CTNNBL1: variants seen among roughly 807,000 people sequenced by gnomAD.
CTNNBL1 encodes the protein catenin beta like 1, also known as beta-catenin-like protein 1.
A neutral mutation model predicts 72.7 loss-of-function variants in CTNNBL1; 31 were observed. The observed-to-expected ratio is 0.43, with a 90% confidence interval of 0.32 to 0.58. The LOEUF is 0.58. Among genes scored for constraint, CTNNBL1 ranks in the 20% least tolerant of loss-of-function variants. CTNNBL1 has a pLI of 0.08. For missense variants in CTNNBL1, 534 were observed against 725.1 expected, an observed-to-expected ratio of 0.74 and a Z score of 3.03; for synonymous variants, 240 against 267.3, an observed-to-expected ratio of 0.90 and a Z score of 1.00.
intron 1 of CTNNBL1, among the ~76,000 whole-genome samples, chr20:37,717,384 C>T (rs550721946): frequency 4.9e-4 from 75 of 152,338 alleles, no homozygotes; most frequent in African/African-American, 1.7e-3. Context: ...ATGCATACTC[C>T]ACTCTCCTCT....
At chr20:37,827,366 C>T (rs148581842) in intron 11 of CTNNBL1, among the ~76,000 whole-genome samples, 8 of 152,268 alleles carry the variant, frequency 5.3e-5, no homozygotes, top group African/African-American at 1.9e-4. Flanking sequence ...GGTAGCTATT[C>T]ACATCTCTTT....
intron 5 of CTNNBL1, among the ~76,000 whole-genome samples, chr20:37,761,085 A>T (rs1276927220): frequency 6.6e-6 from 1 of 151,974 alleles, no homozygotes; most frequent in Non-Finnish European, 1.5e-5. Context: ...ATGAAGAGAG[A>T]GTGCTCGCTT....
Position 37,826,598 on chromosome 20 carries a change from T to G in CTNNBL1, c.1214-13504T>G, listed in dbSNP as rs1209460484. ...ATCATTCATATTCCAAGTGCACACT[T>G]TTTCTTGCCTCCTTCTCAACATTTT... On this transcript the variant is annotated intron_variant, in intron 11 of 15. Coordinates refer to ENST00000361383, the MANE Select transcript of CTNNBL1 (RefSeq NM_030877.5). 3.3e-5 allele frequency among the ~76,000 whole-genome samples: 5 copies of G among 152,224 alleles called. No homozygotes were observed. The East Asian group carries it at 7.7e-4, about 23-fold the overall frequency.
intron 4 of CTNNBL1, among the ~76,000 whole-genome samples, chr20:37,747,568 A>G (rs2122626507): frequency 6.6e-6 from 1 of 151,886 alleles, no homozygotes; most frequent in South Asian, 2.1e-4. Flanking sequence ...TTTGTCTTTC[A>G]GTGTTATTTT....
chr20:37,696,492 G>A (rs1324913367), intron 1 of CTNNBL1, among the ~76,000 whole-genome samples: 2 of 134,256 alleles, frequency 1.5e-5, no homozygotes, highest in Non-Finnish European at 3.0e-5. Context: ...TGCCCAGGCT[G>A]GAGTGCAATG....
chr20:37,871,817 G>T (rs1568821649), intron 15 of CTNNBL1, 108 bp from the exon 16 acceptor site: 2 of 956,174 alleles, frequency 2.1e-6, no homozygotes. Flanking sequence ...GCATTAGGGC[G>T]ACTTGCACCT....
At chr20:37,759,327 T>C (rs1490585553) in intron 5 of CTNNBL1, among the ~76,000 whole-genome samples, 1 of 152,130 alleles carries the variant, frequency 6.6e-6, no homozygotes, top group Non-Finnish European at 1.5e-5. Flanking sequence ...GTTAATTACA[T>C]GGCCCTGAAT....
At chr20:37,811,613 G>A (rs1463289905) in intron 11 of CTNNBL1, among the ~76,000 whole-genome samples, 2 of 152,176 alleles carry the variant, frequency 1.3e-5, no homozygotes, top group Admixed American at 6.5e-5. Context: ...ATGATTTTGA[G>A]TGGTGCACAT....
At chr20:37,739,848 G>A (rs1330297441) in intron 3 of CTNNBL1, among the ~76,000 whole-genome samples, 4 of 152,200 alleles carry the variant, frequency 2.6e-5, no homozygotes, top group Admixed American at 2.6e-4. Flanking sequence ...TGTAGTCCCT[G>A]TCGTCTTTAT....
chr20:37,753,835 G>A (rs1288300240), intron 4 of CTNNBL1, among the ~76,000 whole-genome samples: 1 of 152,202 alleles, frequency 6.6e-6, no homozygotes, highest in Non-Finnish European at 1.5e-5. Flanking sequence ...AAGCTGTAGG[G>A]AAATAAAGGA....
intron 9 of CTNNBL1, among the ~76,000 whole-genome samples, chr20:37,777,984 A>C (rs372120107): frequency 6.6e-6 from 1 of 152,178 alleles, no homozygotes; most frequent in East Asian, 1.9e-4. Context: ...CTCATGCTTA[A>C]GTGTGTATGT....
At chr20:37,694,462 C>T (rs2072771839) in intron 1 of CTNNBL1, among the ~76,000 whole-genome samples, 1 of 152,134 alleles carries the variant, frequency 6.6e-6, no homozygotes. Context: ...CTCATGTCCC[C>T]CCAGTCATTG....
At chr20:37,860,211 A>T in intron 14 of CTNNBL1, 61 bp from the exon 15 acceptor site, 2 of 1,515,684 alleles carry the variant, frequency 1.3e-6, no homozygotes, top group South Asian at 2.2e-5. Context: ...AAGGTGATAC[A>T]TTCTGGTGTG....
At chr20:37,731,381 A>G (rs567105927) in intron 1 of CTNNBL1, among the ~76,000 whole-genome samples, 1 of 152,088 alleles carries the variant, frequency 6.6e-6, no homozygotes, top group Non-Finnish European at 1.5e-5. Flanking sequence ...GATTACAGGC[A>G]TGCACCACCA....
At chr20:37,718,610 C>T (rs2073014089) in intron 1 of CTNNBL1, among the ~76,000 whole-genome samples, 1 of 152,040 alleles carries the variant, frequency 6.6e-6, no homozygotes. Context: ...CACCTCCCTC[C>T]CGGACGGGGC....
intron 10 of CTNNBL1, among the ~76,000 whole-genome samples, chr20:37,793,547 A>G (rs1196230666): frequency 6.6e-6 from 1 of 152,210 alleles, no homozygotes; most frequent in Non-Finnish European, 1.5e-5. Context: ...ATTTGGAGAT[A>G]GGGCCTTTAA....
At chr20:37,752,285 G>A (rs2073326144) in intron 4 of CTNNBL1, among the ~76,000 whole-genome samples, 1 of 152,044 alleles carries the variant, frequency 6.6e-6, no homozygotes, top group African/African-American at 2.4e-5. Flanking sequence ...ATCTAGGATG[G>A]GGATAAGAGT....
chr20:37,721,297 A>G (rs114481848), intron 1 of CTNNBL1, among the ~76,000 whole-genome samples: 334 of 152,272 alleles, frequency 2.2e-3, no homozygotes, highest in African/African-American at 7.7e-3. Context: ...TGGGTTTTAT[A>G]CTTCTAAAAA....
Position 37,871,974 on chromosome 20 carries a change from C to G in CTNNBL1, c.1653C>G (p.Asn551Lys), listed in dbSNP as rs749426178. The change falls in exon 16 of 16, where the codon AAC (asparagine) becomes AAG (lysine). Residue 551 changes from asparagine to lysine, a missense_variant. Coordinates refer to ENST00000361383, the MANE Select transcript of CTNNBL1 (RefSeq NM_030877.5). ...GDGRSPEFRE[N>K]EQKRILGLLE... is the part of the protein sequence containing the mutation. The stretch of plus-strand genomic sequence containing the variant: ...GCCGGAGCCCGGAGTTCCGGGAGAA[C>G]GAGCAAAAGCGCATCCTGGGCTTGC... 3 of 1,614,100 alleles carry G rather than the reference C, an allele frequency of 1.9e-6. No homozygotes were observed. The highest frequency in any genetic ancestry group is 4.5e-5 in the East Asian group (2 of 44,884).
Sources: allele counts gnomAD v4.1 joint callset (sites outside exome capture counted in the v4.1 genomes callset), GRCh38; gene constraint gnomAD v4.1.1; transcripts MANE v1.5; gene names NCBI Gene and HGNC (gene_info 2026-07-23, HGNC 2026-07-21).